The following SPATA9 variants were observed in gnomAD, a reference collection of about 807,000 sequenced individuals.
SPATA9 encodes the protein spermatogenesis associated 9.
In SPATA9, 27 loss-of-function variants were observed where a neutral mutation model predicts 25.5. The observed-to-expected ratio is 1.06, with a 90% confidence interval of 0.78 to 1.46. The LOEUF is 1.46. Ranked by LOEUF, SPATA9 falls within the 40% of genes most tolerant of loss-of-function variation. The pLI is 0.00. For synonymous variants in SPATA9, 102 were observed against 105.7 expected (o/e 0.97, Z 0.21); for missense variants, 282 against 297.5 (o/e 0.95, Z 0.38).
chr5:95,688,981 T>C (rs1027757454), intron 1 of SPATA9, among the ~76,000 whole-genome samples: 1 of 152,168 alleles, frequency 6.6e-6, no homozygotes, highest in African/African-American at 2.4e-5. Flanking sequence ...TCAACTAACA[T>C]ATATGTAAAT....
intron 3 of SPATA9, among the ~76,000 whole-genome samples, chr5:95,666,914 A>G (rs907520888): frequency 6.6e-6 from 1 of 152,190 alleles, no homozygotes; most frequent in Non-Finnish European, 1.5e-5. Flanking sequence ...GTTTGGACAG[A>G]AATGCACCAA....
chr5:95,673,820 C>G (rs544293265), intron 3 of SPATA9, among the ~76,000 whole-genome samples: 4 of 151,538 alleles, frequency 2.6e-5, no homozygotes, highest in Admixed American at 6.6e-5. Context: ...TCTTGACTCA[C>G]TACAACCTCT....
Position 95,682,555 on chromosome 5 carries a change from G to T in SPATA9, c.123C>A (p.Thr41=). The T allele has an allele frequency of 6.2e-7, 1 of 1,612,612 alleles. No homozygotes were observed. Among genetic ancestry groups the T allele is most frequent in the Non-Finnish European group, 8.5e-7 (1 of 1,178,870 alleles). Residue 41 remains threonine, a synonymous_variant, in exon 2 of 5, where the codon ACC becomes ACA. Transcript: ENST00000274432. Reference sequence around the variant, plus strand: ...GATTAGACTGTGATAATCTTAGGATGGTGGGAAATTCATCTTTAAACTCAT... The same window carrying T: ...GATTAGACTGTGATAATCTTAGGATTGTGGGAAATTCATCTTTAAACTCAT... ...LVDEFKDEFP[T]ILRLSQSNQK...
At chr5:95,732,006 C>A in the SPATA9 span, 3 of 1,614,160 alleles carry the variant, frequency 1.9e-6, no homozygotes, top group Non-Finnish European at 8.5e-7. Flanking sequence ...CCAGCACGGT[C>A]GCGCGTCCGG....
Position 95,658,503 on chromosome 5 carries a change from C to T in SPATA9, c.*120G>A, listed in dbSNP as rs575943483. 2.1e-5 allele frequency: 14 copies of T among 652,038 alleles called. 1 individual carries two copies. In the Admixed American group the frequency reaches 6.4e-4, roughly 30 times the overall value. The allele number at this position is 652,038 out of a possible 1,614,324, so 40.4% of individuals were successfully genotyped here. A position where few individuals can be genotyped will look rare whatever the true frequency, so the allele number is the denominator to read the frequency against. On this transcript the variant is annotated 3_prime_UTR_variant, in exon 5 of 5. Coordinates refer to ENST00000274432, the MANE Select transcript of SPATA9 (RefSeq NM_031952.4). ...AAAATGACATTTTAATAGTAGCCCC[C>T]TTCTCTTTTTTTTAAGAAAGCAGAG... is the stretch of plus-strand genomic sequence containing the variant.
intron 3 of SPATA9, among the ~76,000 whole-genome samples, chr5:95,672,439 A>T (rs191465606): frequency 4.0e-5 from 6 of 151,166 alleles, no homozygotes; most frequent in Admixed American, 3.9e-4. Context: ...CAGTTTCACC[A>T]CCAAGGCCAA....
At chr5:95,652,229 C>T, downstream of SPATA9, 1 of 1,538,484 alleles carries the variant, frequency 6.5e-7, no homozygotes, top group Non-Finnish European at 8.8e-7. Flanking sequence ...GGACACTCTA[C>T]TGATCTTGCC....
At chr5:95,705,856 GT>G in the SPATA9 span, among the ~76,000 whole-genome samples, 16 of 152,086 alleles carry the variant, frequency 1.1e-4, no homozygotes, top group Non-Finnish European at 2.4e-4. Flanking sequence ...TATCTCTAGT[GT>G]TTTTCCATGG....
chr5:95,670,917 A>C, intron 3 of SPATA9: 8 of 985,216 alleles, frequency 8.1e-6, no homozygotes, highest in Non-Finnish European at 9.6e-6. Context: ...TGTTTACTAC[A>C]ACTTAGTTTT....
At chr5:95,698,963 G>T (rs1377927498), upstream of SPATA9, among the ~76,000 whole-genome samples, 1 of 152,148 alleles carries the variant, frequency 6.6e-6, no homozygotes, top group African/African-American at 2.4e-5. Context: ...ATTTGAAAGG[G>T]GTGGGAGTGG....
chr5:95,730,100 G>A, the SPATA9 span, among the ~76,000 whole-genome samples: 1 of 151,590 alleles, frequency 6.6e-6, no homozygotes, highest in Non-Finnish European at 1.5e-5. Context: ...AAAAAACAGT[G>A]ACCACATAAA....
chr5:95,687,040 G>C (rs570733653), upstream of SPATA9, among the ~76,000 whole-genome samples: 2 of 152,278 alleles, frequency 1.3e-5, no homozygotes, highest in East Asian at 3.9e-4. Context: ...CATCAGTAGT[G>C]GTACCTATTG....
chr5:95,659,172 C>A (rs1026023911), intron 4 of SPATA9: 21 of 343,246 alleles, frequency 6.1e-5, no homozygotes, highest in African/African-American at 3.4e-4. Flanking sequence ...CCCCCCAATT[C>A]ATTAGCTGTT....
At chr5:95,679,860 G>A (rs772942300) in intron 2 of SPATA9, among the ~76,000 whole-genome samples, 62 of 152,200 alleles carry the variant, frequency 4.1e-4, no homozygotes, top group Admixed American at 1.3e-4. Context: ...AAACTCATCC[G>A]ATTCAATGGT....
intron 2 of SPATA9, 136 bp from the exon 3 acceptor site, chr5:95,675,775 G>T: frequency 6.9e-6 from 4 of 577,374 alleles, no homozygotes; most frequent in Admixed American, 3.6e-5. Flanking sequence ...CAATATTTCT[G>T]TCCCCCCATG....
At chr5:95,657,941 C>CAG (rs80322625), downstream of SPATA9, 4 of 151,864 alleles carry the variant, frequency 2.6e-5, no homozygotes, top group Non-Finnish European at 5.9e-5. Context: ...CAGGCAAAAA[C>CAG]TAGCCCTGGT....
At chr5:95,673,598 C>G (rs1456063376) in intron 3 of SPATA9, among the ~76,000 whole-genome samples, 1 of 152,048 alleles carries the variant, frequency 6.6e-6, no homozygotes, top group Non-Finnish European at 1.5e-5. Flanking sequence ...TGCCAACCCT[C>G]TATAAAAAAC....
Position 95,682,880 on chromosome 5 carries a change from T to G in SPATA9, c.-26A>C. The G allele has an allele frequency of 6.7e-7, 1 of 1,497,560 alleles. No homozygotes were observed. The highest frequency in any genetic ancestry group is 1.4e-5 in the African/African-American group (1 of 71,288). The allele number at this position is 1,497,560 out of a possible 1,614,324, so 92.8% of individuals were successfully genotyped here. A position where few individuals can be genotyped will look rare whatever the true frequency, so the allele number is the denominator to read the frequency against. On this transcript the variant is annotated 5_prime_UTR_variant, in exon 1 of 5. Coordinates refer to ENST00000274432, the MANE Select transcript of SPATA9 (RefSeq NM_031952.4). ...GGTGAGTTCTTGCTTGGGTTCCTAG[T>G]CCTTAACAAGCTTGCAGGCCTGGGT... is the stretch of plus-strand genomic sequence containing the variant.
upstream of SPATA9, among the ~76,000 whole-genome samples, chr5:95,685,195 T>G (rs565766394): frequency 6.6e-6 from 1 of 152,356 alleles, no homozygotes; most frequent in East Asian, 1.9e-4. Context: ...CAGGTTTCAT[T>G]AAATATGCAC....
Sources: gnomAD v4.1 joint callset for allele counts (sites outside exome capture counted in the v4.1 genomes callset) on GRCh38, gnomAD v4.1.1 for gene constraint, MANE v1.5 for transcripts, NCBI Gene and HGNC (gene_info 2026-07-23, HGNC 2026-07-21) for gene names.